The following ETS1 variants were observed in gnomAD, a reference collection of about 807,000 sequenced individuals.
ETS1 encodes ETS proto-oncogene 1, transcription factor, also known as protein C-ets-1.
ETS1 carries 15 observed loss-of-function variants against 58.6 expected under a neutral mutation model. That is an observed-to-expected ratio of 0.26 (90% CI 0.17 to 0.39). The LOEUF (loss-of-function observed/expected upper bound fraction) is 0.39. Among genes scored for constraint, ETS1 ranks in the 10% least tolerant of loss-of-function variants. ETS1 has a pLI of 1.00. For synonymous variants in ETS1, 214 were observed against 218.2 expected (o/e 0.98, Z 0.17); for missense variants, 417 against 610.5 (o/e 0.68, Z 3.34).
At chr11:128,537,724 G>A (rs1007106070) in intron 3 of ETS1, among the ~76,000 whole-genome samples, 4 of 152,158 alleles carry the variant, frequency 2.6e-5, no homozygotes, top group Admixed American at 1.3e-4. Flanking sequence ...CCACTTATAC[G>A]TGTATATTGG....
intron 3 of ETS1, among the ~76,000 whole-genome samples, chr11:128,515,104 CACA>C (rs1203171196): frequency 2.0e-5 from 3 of 151,940 alleles, no homozygotes; most frequent in African/African-American, 4.8e-5. Context: ...AAAAAGAAAA[CACA>C]ACATTTTTTT....
intron 3 of ETS1, among the ~76,000 whole-genome samples, chr11:128,545,743 A>G (rs903660271): frequency 6.6e-6 from 1 of 152,248 alleles, no homozygotes. Context: ...AAGAAGCAAC[A>G]TAGAAATATG....
At chr11:128,521,731 G>GTCCTCCTCC (rs760101577) in intron 3 of ETS1, among the ~76,000 whole-genome samples, 1 of 151,552 alleles carries the variant, frequency 6.6e-6, no homozygotes, top group East Asian at 1.9e-4. Flanking sequence ...GCCACCAACA[G>GTCCTCCTCC]TCCTCCTCCT....
rs1468761953 is a variant in ETS1, at chr11:128,549,321, G to A, written c.214+6970C>T. 1.8e-4 allele frequency among the ~76,000 whole-genome samples: 27 copies of A among 148,786 alleles called. No individual in the cohort carries two copies. The highest frequency in any genetic ancestry group is 3.4e-4 in the Non-Finnish European group (23 of 67,822). ...CTGGGCTCCGGCTCCCACCTCATCG[G>A]CCCACCCGAAGATGTCCATTCACCC... On this transcript the variant is annotated intron_variant, in intron 3 of 9. Transcript: ENST00000392668. The surrounding 1 kb of genome is among the most constrained non-coding windows in gnomAD (Gnocchi z 4.3).
intron 3 of ETS1, among the ~76,000 whole-genome samples, chr11:128,492,371 T>C (rs2135464792): frequency 6.6e-6 from 1 of 152,364 alleles, no homozygotes; most frequent in Middle Eastern, 3.4e-3. Context: ...CAGGTGGCAC[T>C]TTCTCTCTTG....
chr11:128,553,950 G>A (rs1184297632), intron 3 of ETS1, among the ~76,000 whole-genome samples: 2 of 152,134 alleles, frequency 1.3e-5, no homozygotes, highest in African/African-American at 4.8e-5. Flanking sequence ...TGAAAAAAAT[G>A]TCGAGTATTT....
At chr11:128,516,303 T>G (rs1332731481) in intron 3 of ETS1, among the ~76,000 whole-genome samples, 2 of 152,188 alleles carry the variant, frequency 1.3e-5, no homozygotes, top group East Asian at 3.8e-4. Flanking sequence ...GGGAATAGCC[T>G]TGACATTCCT....
chr11:128,539,759 C>T (rs969623767), intron 3 of ETS1, among the ~76,000 whole-genome samples: 6 of 152,114 alleles, frequency 3.9e-5, no homozygotes, highest in African/African-American at 7.2e-5. Context: ...ATAAAATGTG[C>T]CATGGCCATA....
intron 8 of ETS1, among the ~76,000 whole-genome samples, chr11:128,466,524 A>G (rs1029878570): frequency 2.0e-5 from 3 of 152,144 alleles, no homozygotes; most frequent in African/African-American, 7.2e-5. Flanking sequence ...CGGAATGGTT[A>G]GTTTTCCTTT....
intron 3 of ETS1, among the ~76,000 whole-genome samples, chr11:128,548,127 A>AAGGGAAGGGAAGGGAAGGGAAGGG: frequency 1.4e-5 from 1 of 70,802 alleles, no homozygotes; most frequent in African/African-American, 7.9e-5. Context: ...AAAGGAAAGG[A>AAGGGAAGGGAAGGGAAGGGAAGGG]AAGGAAAGGG....
chr11:128,535,907 A>G (rs765157228), intron 3 of ETS1, among the ~76,000 whole-genome samples: 10 of 152,196 alleles, frequency 6.6e-5, no homozygotes, highest in Admixed American at 1.3e-4. Context: ...GCAACCTCCA[A>G]CCTGAGATGA....
intron 3 of ETS1, among the ~76,000 whole-genome samples, chr11:128,528,110 G>A (rs1016432366): frequency 6.6e-6 from 1 of 152,182 alleles, no homozygotes; most frequent in Admixed American, 6.5e-5. Flanking sequence ...AAGGGGAGGA[G>A]ATGAGGAGGT....
At chr11:128,517,743 A>G (rs1275810207) in intron 3 of ETS1, among the ~76,000 whole-genome samples, 1 of 152,154 alleles carries the variant, frequency 6.6e-6, no homozygotes, top group African/African-American at 2.4e-5. Context: ...ACCAGCTCTC[A>G]GTTTGCAGAG....
intron 3 of ETS1, among the ~76,000 whole-genome samples, chr11:128,496,550 T>TG (rs1862947031): frequency 6.6e-6 from 1 of 152,120 alleles, no homozygotes; most frequent in African/African-American, 2.4e-5. Context: ...AATAGAGAAA[T>TG]GGCTGCAGCC....
chr11:128,585,240 A>AAGAAAGAAAGAT (rs1565422101), intron 1 of ETS1, among the ~76,000 whole-genome samples: 2 of 149,220 alleles, frequency 1.3e-5, no homozygotes, highest in Non-Finnish European at 3.0e-5. Context: ...GAAAGAAAGA[A>AAGAAAGAAAGAT]AGAAAAAGAA....
At chr11:128,575,365 C>A (rs908822428) in intron 1 of ETS1, among the ~76,000 whole-genome samples, 1 of 152,142 alleles carries the variant, frequency 6.6e-6, no homozygotes, top group Non-Finnish European at 1.5e-5. Flanking sequence ...TATTTTCAGA[C>A]CTTGGTTGAC....
rs771665018 is a variant in ETS1 at position 128,462,104 on chromosome 11, G to A, written c.*257C>T. The A allele has an allele frequency of 2.7e-5, 13 of 479,644 alleles. No homozygotes were observed. The highest frequency in any genetic ancestry group is 4.9e-5 in the Non-Finnish European group (13 of 267,060). 29.7% of individuals were successfully genotyped at this position (479,644 alleles called of 1,614,324 possible). A position where few individuals can be genotyped will look rare whatever the true frequency, so the allele number is the denominator to read the frequency against. On this transcript the variant is annotated 3_prime_UTR_variant, in exon 10 of 10. Coordinates refer to ENST00000392668, the MANE Select transcript of ETS1 (RefSeq NM_001143820.2). ...TTCTCTGTTAAGCCAGAGCCTTCAA[G>A]CTTCTGAGAAGGCCCTTCTCCCTCT... is the stretch of plus-strand genomic sequence containing the variant.
At chr11:128,498,824 T>C (rs1565382660) in intron 3 of ETS1, among the ~76,000 whole-genome samples, 1 of 152,246 alleles carries the variant, frequency 6.6e-6, no homozygotes, top group Non-Finnish European at 1.5e-5. Flanking sequence ...TAAATGATCA[T>C]TTCAAGCCAT....
chr11:128,512,888 G>C (rs938660204), intron 3 of ETS1, among the ~76,000 whole-genome samples: 1 of 152,268 alleles, frequency 6.6e-6, no homozygotes, highest in Non-Finnish European at 1.5e-5. Context: ...GACTCGGCCT[G>C]CGGAAGCAGC....
Sources: gnomAD v4.1 joint callset for allele counts (sites outside exome capture counted in the v4.1 genomes callset) on GRCh38, gnomAD v4.1.1 for gene constraint, Gnocchi (gnomAD v3.1) non-coding constraint, MANE v1.5 for transcripts, NCBI Gene and HGNC (gene_info 2026-07-23, HGNC 2026-07-21) for gene names.